The following SCRN1 variants were observed in gnomAD, a reference collection of about 807,000 sequenced individuals.
SCRN1 encodes the protein secernin-1.
Under a neutral mutation model 43.3 loss-of-function variants are expected in SCRN1, and 19 were observed. That is an observed-to-expected ratio of 0.44 (90% CI 0.31 to 0.64). The LOEUF is 0.64. Among genes scored for constraint, SCRN1 ranks in the 30% least tolerant of loss-of-function variants. The probability of loss-of-function intolerance (pLI) is 0.09; values close to 1 mark genes in which losing one functional copy is unlikely to be tolerated. For missense variants in SCRN1, 447 were observed against 524.1 expected, an observed-to-expected ratio of 0.85 and a Z score of 1.44; for synonymous variants, 183 against 188.9, an observed-to-expected ratio of 0.97 and a Z score of 0.26.
intron 1 of SCRN1, among the ~76,000 whole-genome samples, chr7:29,986,951 C>G (rs1432020160): frequency 6.6e-6 from 1 of 152,088 alleles, no homozygotes; most frequent in Non-Finnish European, 1.5e-5. Context: ...GTCTCGATCT[C>G]CTGACCTCGT....
At position 29,920,758 on chromosome 7, in the gene SCRN1, C is replaced by T. The variant is rs769601788; in HGVS notation, c.*3199G>A. The T allele has an allele frequency of 2.6e-5, 4 of 152,180 alleles. No homozygotes were observed. Among genetic ancestry groups the T allele is most frequent in the Non-Finnish European group, 5.9e-5 (4 of 68,044 alleles). The allele number at this position is 152,180 out of a possible 1,614,324, so 9.4% of individuals were successfully genotyped here. A position where few individuals can be genotyped will look rare whatever the true frequency, so the allele number is the denominator to read the frequency against. ...CACCTGTACCAATGTGGGATGACAT[C>T]AGCTAGGAAGCAAAGTAATTTGCCT... On this transcript the variant is annotated 3_prime_UTR_variant, in exon 8 of 8. Transcript: ENST00000242059.
In SCRN1 at chr7:29,922,040, TC is replaced by T. The variant is rs199732265; in HGVS notation, c.*1916del. Reference sequence around the variant, plus strand: ...CCTACGTCATCCTCGAACCTCACTTTCCCCCCCCCTTAACAGTGATAGAAAG... The same window carrying T: ...CCTACGTCATCCTCGAACCTCACTTTCCCCCCCCTTAACAGTGATAGAAAG... On this transcript the variant is annotated 3_prime_UTR_variant, in exon 8 of 8. Coordinates refer to ENST00000242059, the MANE Select transcript of SCRN1 (RefSeq NM_014766.5). 7.7e-4 allele frequency: 117 copies of T among 151,080 alleles called. No homozygotes were observed. Among genetic ancestry groups the T allele is most frequent in the African/African-American group, 2.4e-3 (100 of 41,172 alleles). 9.4% of individuals were successfully genotyped at this position (151,080 alleles called of 1,614,324 possible).
In SCRN1 at chr7:29,940,749, T is replaced by C; in HGVS notation, c.672A>G (p.Glu224=). Residue 224 remains glutamate (E), a synonymous_variant, in exon 5 of 8, where the codon GAA becomes GAG. Coordinates refer to ENST00000242059, the MANE Select transcript of SCRN1 (RefSeq NM_014766.5). The stretch of plus-strand genomic sequence containing the variant: ...GATGATCCTCAACTGGAGAAAAGAC[T>C]TCGGAAAAATTGAACTCGCCCTCTC... The part of the protein sequence containing the change: ...WTGEGEFNFS[E]VFSPVEDHLD... The C allele has an allele frequency of 6.2e-7, 1 of 1,608,594 alleles. No homozygotes were observed. The highest frequency in any genetic ancestry group is 8.5e-7 in the Non-Finnish European group (1 of 1,178,612).
In SCRN1 at chr7:29,950,622, A is replaced by G. The variant is rs1302366002; in HGVS notation, c.341+4557T>C. Among the ~76,000 whole-genome samples the G allele has an allele frequency of 3.9e-5, 6 of 152,062 alleles. No individual in the cohort carries two copies. Among genetic ancestry groups the G allele is most frequent in the Admixed American group, 6.5e-5 (1 of 15,270 alleles). On this transcript the variant is annotated intron_variant, in intron 3 of 7. Coordinates refer to ENST00000242059, the MANE Select transcript of SCRN1 (RefSeq NM_014766.5). The surrounding 1 kb of genome is among the most constrained non-coding windows in gnomAD (Gnocchi z 4.5). ...CTTGCCCATGACCCGATCAGCACAC[A>G]CTTCCTCCCTTCTGAGCCCATAAAA...
chr7:29,921,611 A>T lies in SCRN1; in HGVS notation c.*2346T>A, dbSNP rs371809569. 11 of 152,354 alleles carry T rather than the reference A, an allele frequency of 7.2e-5. No homozygotes were observed. The highest frequency in any genetic ancestry group is 2.6e-4 in the African/African-American group (11 of 41,574). The allele number at this position is 152,354 out of a possible 1,614,324, so 9.4% of individuals were successfully genotyped here. On this transcript the variant is annotated 3_prime_UTR_variant, in exon 8 of 8. Transcript: ENST00000242059. ...CTTTTAACTTTTGCCAGGCTGTACCATGCCCTCTAGTGGTAGGACTAGGAC... is the reference window on the plus strand; with the variant it reads ...CTTTTAACTTTTGCCAGGCTGTACCTTGCCCTCTAGTGGTAGGACTAGGAC...
At chr7:29,970,788 A>G (rs1254241206) in intron 1 of SCRN1, among the ~76,000 whole-genome samples, 1 of 152,186 alleles carries the variant, frequency 6.6e-6, no homozygotes, top group Non-Finnish European at 1.5e-5. Context: ...CCCTGCCCTT[A>G]GTCTTTGTAC....
intron 7 of SCRN1, among the ~76,000 whole-genome samples, chr7:29,925,559 A>G (rs1786917059): frequency 6.6e-6 from 1 of 152,196 alleles, no homozygotes; most frequent in Non-Finnish European, 1.5e-5. Flanking sequence ...GAATTTATAT[A>G]AAGTCCATCG....
At chr7:29,960,621 C>T (rs1042270787) in intron 2 of SCRN1, among the ~76,000 whole-genome samples, 6 of 152,060 alleles carry the variant, frequency 3.9e-5, no homozygotes, top group Admixed American at 3.9e-4. Context: ...GAAAAGTAGT[C>T]TAATGTTGGA....
intron 6 of SCRN1, 92 bp from the exon 7 acceptor site, chr7:29,926,724 G>C: frequency 1.9e-5 from 16 of 858,808 alleles, no homozygotes; most frequent in Middle Eastern, 4.1e-4. Flanking sequence ...CATTTCCCAA[G>C]CCAACTTATG....
intron 4 of SCRN1, among the ~76,000 whole-genome samples, chr7:29,943,164 A>G (rs1562807591): frequency 6.6e-6 from 1 of 152,202 alleles, no homozygotes; most frequent in Non-Finnish European, 1.5e-5. Context: ...CTACTCCACC[A>G]TTAGCACAGG....
chr7:29,990,194 C>A (rs1177606407), upstream of SCRN1: 1 of 1,551,696 alleles, frequency 6.4e-7, no homozygotes, highest in Non-Finnish European at 8.7e-7. Context: ...TGTTGACTCG[C>A]ACGTCCAAGT....
At chr7:29,938,308 G>A (rs188951699) in intron 5 of SCRN1, among the ~76,000 whole-genome samples, 35 of 152,260 alleles carry the variant, frequency 2.3e-4, no homozygotes, top group East Asian at 9.7e-4. Context: ...CTGGGAGTGC[G>A]GGCATGAGCC....
intron 1 of SCRN1, among the ~76,000 whole-genome samples, chr7:29,977,690 A>G (rs1788874102): frequency 6.6e-6 from 1 of 152,260 alleles, no homozygotes; most frequent in African/African-American, 2.4e-5. Flanking sequence ...GAACCAAGTA[A>G]TGGAAGAATA....
intron 6 of SCRN1, among the ~76,000 whole-genome samples, chr7:29,929,420 A>G (rs1027999992): frequency 6.6e-6 from 1 of 152,222 alleles, no homozygotes; most frequent in Non-Finnish European, 1.5e-5. Context: ...GCCACTCCAA[A>G]GCCCACTCCA....
At chr7:29,924,584 G>A (rs577428047) in intron 7 of SCRN1, among the ~76,000 whole-genome samples, 12 of 152,180 alleles carry the variant, frequency 7.9e-5, no homozygotes, top group Admixed American at 2.6e-4. Context: ...GTGCCACACC[G>A]TTCCCCCTGC....
intron 3 of SCRN1, among the ~76,000 whole-genome samples, chr7:29,944,786 C>A (rs1212740629): frequency 6.6e-6 from 1 of 152,046 alleles, no homozygotes; most frequent in Non-Finnish European, 1.5e-5. Context: ...TCTTGGAAGG[C>A]ACCTGTGTGT....
chr7:29,974,517 G>A (rs1336220719), intron 1 of SCRN1, among the ~76,000 whole-genome samples: 3 of 151,774 alleles, frequency 2.0e-5, no homozygotes, highest in Non-Finnish European at 4.4e-5. Context: ...GAAACCCTTC[G>A]GAAAGTGATT....
In SCRN1 at chr7:29,936,553, A is replaced by G; in HGVS notation, c.905+3T>C. On this transcript the variant is annotated splice_donor_region_variant and intron_variant, in intron 6 of 7. Coordinates refer to ENST00000242059, the MANE Select transcript of SCRN1 (RefSeq NM_014766.5). ...TGCCTACGTGACCAGGCCTCGGACAAACCTGGAAGGATCAGGGGTTCCAGT... is the reference window on the plus strand; with the variant it reads ...TGCCTACGTGACCAGGCCTCGGACAGACCTGGAAGGATCAGGGGTTCCAGT... 2 of 1,571,820 alleles carry G rather than the reference A, an allele frequency of 1.3e-6. No homozygotes were observed. Among genetic ancestry groups the G allele is most frequent in the Non-Finnish European group, 1.7e-6 (2 of 1,148,768 alleles).
At chr7:29,945,870 A>C (rs1373257252) in intron 3 of SCRN1, among the ~76,000 whole-genome samples, 1 of 152,222 alleles carries the variant, frequency 6.6e-6, no homozygotes, top group African/African-American at 2.4e-5. Flanking sequence ...GCAGGAACAC[A>C]GGAGTCTTAG....
Sources: allele counts gnomAD v4.1 joint callset (sites outside exome capture counted in the v4.1 genomes callset), GRCh38; gene constraint gnomAD v4.1.1; non-coding constraint Gnocchi (gnomAD v3.1); transcripts MANE v1.5; gene names NCBI Gene and HGNC (gene_info 2026-07-23, HGNC 2026-07-21).